The following CRTAC1 variants were observed in gnomAD, a reference collection of about 807,000 sequenced individuals.
CRTAC1 encodes the protein cartilage acidic protein 1.
A neutral mutation model predicts 67.8 loss-of-function variants in CRTAC1; 37 were observed. The ratio of observed to expected loss-of-function variants is 0.55; its 90% confidence interval spans 0.42 to 0.72. The LOEUF (loss-of-function observed/expected upper bound fraction) is 0.72. CRTAC1 is among the 30% of genes least tolerant of loss of function. The pLI is 0.00. For missense variants in CRTAC1, 780 were observed against 931.6 expected (o/e 0.84, Z 2.12); for synonymous variants, 348 against 371.0 (o/e 0.94, Z 0.71).
intron 8 of CRTAC1, among the ~76,000 whole-genome samples, chr10:97,897,810 C>T (rs776478772): frequency 3.9e-5 from 6 of 152,192 alleles, no homozygotes; most frequent in Non-Finnish European, 7.3e-5. Flanking sequence ...GTGCTCTGCC[C>T]TAGATGTGTG....
At chr10:97,931,437 G>A (rs998192966) in intron 3 of CRTAC1, among the ~76,000 whole-genome samples, 5 of 152,230 alleles carry the variant, frequency 3.3e-5, no homozygotes, top group African/African-American at 7.2e-5. Context: ...AAGACTGCAA[G>A]TAATCTTTCA....
chr10:97,969,118 T>C (rs2051665127), intron 2 of CRTAC1, among the ~76,000 whole-genome samples: 1 of 152,150 alleles, frequency 6.6e-6, no homozygotes, highest in South Asian at 2.1e-4. Context: ...TTAACACTGA[T>C]ATGTCTTCAA....
intron 14 of CRTAC1, chr10:97,867,692 T>G (rs1401484742): frequency 2.0e-5 from 3 of 151,030 alleles, no homozygotes; most frequent in African/African-American, 2.4e-5. Context: ...GCACAGGCAG[T>G]GCTATGGCCT....
Position 97,904,698 on chromosome 10 carries a change from T to C in CRTAC1, c.967A>G (p.Met323Val). The C allele has an allele frequency of 1.9e-6, 3 of 1,590,716 alleles. No individual in the cohort carries two copies. Among genetic ancestry groups the C allele is most frequent in the Non-Finnish European group, 2.6e-6 (3 of 1,170,402 alleles). Residue 323 changes from methionine to valine, a missense_variant, in exon 7 of 15, where the codon ATG becomes GTG. Coordinates refer to ENST00000370597, the MANE Select transcript of CRTAC1 (RefSeq NM_018058.7). ...AAGCGGACCTTCCCATGGGTGCTCA[T>C]TTGCAGATAGAGGCGGTGGGGGCCA... ...WNGPHRLYLQ[M>V]STHGKVRFRD...
At chr10:97,996,801 A>G (rs1842581420) in intron 2 of CRTAC1, among the ~76,000 whole-genome samples, 1 of 152,204 alleles carries the variant, frequency 6.6e-6, no homozygotes, top group Non-Finnish European at 1.5e-5. Context: ...TTATTGCAGC[A>G]CTATTCACAA....
At position 97,904,822 on chromosome 10, in the gene CRTAC1, G is replaced by A. The variant is rs745658657; in HGVS notation, c.851-8C>T. 1.3e-6 allele frequency: 2 copies of A among 1,589,858 alleles called. No homozygotes were observed. Among genetic ancestry groups the A allele is most frequent in the African/African-American group, 2.7e-5 (2 of 73,350 alleles). On this transcript the variant is annotated splice_polypyrimidine_tract_variant and splice_region_variant and intron_variant, in intron 6 of 14. Coordinates refer to ENST00000370597, the MANE Select transcript of CRTAC1 (RefSeq NM_018058.7). ...GGTGGGGGTCGTCCACACCTGGGGA[G>A]GAGAGGCAGGAACTCTCAGGGCGGC...
intron 2 of CRTAC1, among the ~76,000 whole-genome samples, chr10:97,981,286 T>G (rs947799114): frequency 2.0e-5 from 3 of 152,206 alleles, no homozygotes; most frequent in African/African-American, 7.2e-5. Flanking sequence ...AAAATTAACC[T>G]CTAAACCATC....
intron 2 of CRTAC1, among the ~76,000 whole-genome samples, chr10:98,005,032 G>A (rs534974784): frequency 2.3e-5 from 3 of 133,232 alleles, no homozygotes; most frequent in Non-Finnish European, 4.7e-5. Flanking sequence ...TAGGTTGTGT[G>A]ATTTTTTTTT....
rs2136714584 is a variant in CRTAC1, at chr10:98,029,322, C to G, written c.24+1127G>C. Among the ~76,000 whole-genome samples, 2 of 152,256 alleles carry G rather than the reference C, an allele frequency of 1.3e-5. No homozygotes were observed. Among genetic ancestry groups the G allele is most frequent in the South Asian group, 4.2e-4 (2 of 4,818 alleles). On this transcript the variant is annotated intron_variant, in intron 1 of 14. Coordinates refer to ENST00000370597, the MANE Select transcript of CRTAC1 (RefSeq NM_018058.7). The surrounding 1 kb of genome is among the most constrained non-coding windows in gnomAD (Gnocchi z 4.7). ...TCAAGAAAACACTATAGAACTGTCC[C>G]CTGTCCTGGGACCCTCTTCCCTTCT... is the stretch of plus-strand genomic sequence containing the variant.
intron 11 of CRTAC1, among the ~76,000 whole-genome samples, chr10:97,889,512 T>C (rs1390902257): frequency 6.6e-6 from 1 of 151,634 alleles, no homozygotes; most frequent in Non-Finnish European, 1.5e-5. Context: ...CAGCAAGATG[T>C]CGCTATGAGA....
intron 5 of CRTAC1, among the ~76,000 whole-genome samples, chr10:97,916,688 A>G (rs1029878347): frequency 3.3e-5 from 5 of 152,206 alleles, no homozygotes; most frequent in Non-Finnish European, 5.9e-5. Context: ...CCGACCAACA[A>G]GAGGATCTCT....
chr10:97,968,409 AT>A (rs879613458), intron 2 of CRTAC1, among the ~76,000 whole-genome samples: 9 of 151,926 alleles, frequency 5.9e-5, no homozygotes, highest in Non-Finnish European at 1.0e-4. Context: ...TGCCTGGCTA[AT>A]TTTTTTTGTA....
At chr10:97,873,377 C>T (rs1010979711) in intron 14 of CRTAC1, among the ~76,000 whole-genome samples, 8 of 152,202 alleles carry the variant, frequency 5.3e-5, no homozygotes, top group African/African-American at 1.9e-4. Flanking sequence ...CTGGGTGACA[C>T]GAGGGCAGCC....
intron 14 of CRTAC1, among the ~76,000 whole-genome samples, chr10:97,874,991 G>C (rs1483960006): frequency 6.6e-6 from 1 of 152,202 alleles, no homozygotes; most frequent in African/African-American, 2.4e-5. Flanking sequence ...ACCTTTGCCA[G>C]TGTTGTTCAC....
chr10:97,900,082 C>T lies in CRTAC1; in HGVS notation c.1133+1421G>A, dbSNP rs115879247. Among the ~76,000 whole-genome samples the T allele has an allele frequency of 2.4e-3, 359 of 152,300 alleles. 2 individuals are homozygous for T. The highest frequency in any genetic ancestry group is 0.01 in the Middle Eastern group (3 of 294). On this transcript the variant is annotated intron_variant, in intron 8 of 14. Coordinates refer to ENST00000370597, the MANE Select transcript of CRTAC1 (RefSeq NM_018058.7). ...AAGTCAGGGGCTGTGGGGTAGGTCC[C>T]GGGATTCTGTACTTTAAGCACTCTG...
At chr10:98,001,660 C>T (rs1246802644) in intron 2 of CRTAC1, among the ~76,000 whole-genome samples, 1 of 152,174 alleles carries the variant, frequency 6.6e-6, no homozygotes, top group Non-Finnish European at 1.5e-5. Context: ...TTCCTGCTCT[C>T]TATGCCTCCA....
At chr10:97,915,711 T>C (rs1046364420) in intron 5 of CRTAC1, among the ~76,000 whole-genome samples, 3 of 150,952 alleles carry the variant, frequency 2.0e-5, no homozygotes, top group African/African-American at 7.3e-5. Flanking sequence ...CAGGGTAGTG[T>C]TGGGGGGCTT....
chr10:97,982,462 C>G (rs1330577618), intron 2 of CRTAC1, among the ~76,000 whole-genome samples: 2 of 152,214 alleles, frequency 1.3e-5, no homozygotes, highest in African/African-American at 2.4e-5. Context: ...CCACTCTGAT[C>G]TAATCAAATC....
chr10:97,970,225 C>G (rs2051685600), intron 2 of CRTAC1, among the ~76,000 whole-genome samples: 1 of 152,172 alleles, frequency 6.6e-6, no homozygotes, highest in Non-Finnish European at 1.5e-5. Context: ...TCACACTCTG[C>G]TAATCTCTGG....
Sources: allele counts gnomAD v4.1 joint callset (sites outside exome capture counted in the v4.1 genomes callset), GRCh38; gene constraint gnomAD v4.1.1; non-coding constraint Gnocchi (gnomAD v3.1); transcripts MANE v1.5; gene names NCBI Gene and HGNC (gene_info 2026-07-23, HGNC 2026-07-21).